PRR15L: variants seen among roughly 807,000 people sequenced by gnomAD.
The protein encoded by PRR15L is proline-rich protein 15-like protein.
Under a neutral mutation model 3.7 loss-of-function variants are expected in PRR15L, and 1 was observed. The observed-to-expected ratio is 0.27, with a 90% CI of 0.09 to 1.27. The LOEUF (loss-of-function observed/expected upper bound fraction) is 1.27. PRR15L is among the 50% of genes most tolerant of loss of function. The probability of loss-of-function intolerance (pLI) is 0.47; values close to 1 mark genes in which losing one functional copy is unlikely to be tolerated. For synonymous variants in PRR15L, 57 were observed against 51.9 expected (o/e 1.10, Z -0.42); for missense variants, 127 against 128.7 (o/e 0.99, Z 0.06).
In PRR15L at chr17:47,952,604, C is replaced by T. The variant is rs796141360; in HGVS notation, c.*319G>A. On this transcript the variant is annotated 3_prime_UTR_variant, in exon 2 of 2. Transcript: ENST00000300557. Reference sequence around the variant, plus strand: ...TGAAGTCTGTCTGGCTCACTCTCTCCATTCCCTGCCATGCCCACCTCCCTG... The same window carrying T: ...TGAAGTCTGTCTGGCTCACTCTCTCTATTCCCTGCCATGCCCACCTCCCTG... The T allele has an allele frequency of 5.4e-5, 15 of 277,868 alleles. 1 individual carries two copies. The highest frequency in any genetic ancestry group is 3.2e-4 in the African/African-American group (15 of 46,836). The allele number at this position is 277,868 out of a possible 1,614,324, so 17.2% of individuals were successfully genotyped here.
At chr17:47,956,873 C>T (rs1217198730) in intron 1 of PRR15L, among the ~76,000 whole-genome samples, 1 of 152,232 alleles carries the variant, frequency 6.6e-6, no homozygotes, top group Non-Finnish European at 1.5e-5. Context: ...CAAACAGACC[C>T]AGCATTTAGT....
Position 47,952,865 on chromosome 17 carries a change from T to G in PRR15L, c.*58A>C. 3 of 1,528,646 alleles carry G rather than the reference T, an allele frequency of 2.0e-6. No homozygotes were observed. In the South Asian group the frequency reaches 3.7e-5, roughly 19 times the overall value. The allele number at this position is 1,528,646 out of a possible 1,614,324, so 94.7% of individuals were successfully genotyped here. A position where few individuals can be genotyped will look rare whatever the true frequency, so the allele number is the denominator to read the frequency against. The stretch of plus-strand genomic sequence containing the variant: ...CAAAGAGGCCAGCGTGGCAAGGTCC[T>G]GTCTCAGATCTGGCTGATGGCAGGG... On this transcript the variant is annotated 3_prime_UTR_variant, in exon 2 of 2. Transcript: ENST00000300557.
chr17:47,953,873 A>G (rs1292907420), intron 1 of PRR15L, among the ~76,000 whole-genome samples: 2 of 152,118 alleles, frequency 1.3e-5, no homozygotes, highest in East Asian at 3.9e-4. Context: ...CAGGGTTGTC[A>G]GGAGCTTTGA....
chr17:47,953,275 G>T lies in PRR15L; in HGVS notation c.-29-12C>A, dbSNP rs1261338239. On this transcript the variant is annotated splice_polypyrimidine_tract_variant and intron_variant, in intron 1 of 1. Coordinates refer to ENST00000300557, the MANE Select transcript of PRR15L (RefSeq NM_024320.4). The stretch of plus-strand genomic sequence containing the variant: ...AAGGATGGGGCTTTCTGCTGGAGCA[G>T]GGTGGGGGAGACAAAGGGGTCAGTG... The T allele has an allele frequency of 5.4e-6, 8 of 1,491,902 alleles. No individual in the cohort carries two copies. Among genetic ancestry groups the T allele is most frequent in the South Asian group, 1.3e-5 (1 of 75,402 alleles). 92.4% of individuals were successfully genotyped at this position (1,491,902 alleles called of 1,614,324 possible).
At chr17:47,953,306 A>T in intron 1 of PRR15L, 43 bp from the exon 2 acceptor site, 1 of 1,228,658 alleles carries the variant, frequency 8.1e-7, no homozygotes. Flanking sequence ...CAGTGGGAAA[A>T]GGGGGTGGGT....
chr17:47,955,065 G>A (rs1415503148), intron 1 of PRR15L, among the ~76,000 whole-genome samples: 4 of 152,014 alleles, frequency 2.6e-5, no homozygotes, highest in African/African-American at 4.8e-5. Context: ...GAGGAGCTGG[G>A]ATTACAGGCA....
chr17:47,952,862 T>C lies in PRR15L; in HGVS notation c.*61A>G. The C allele has an allele frequency of 6.6e-7, 1 of 1,517,830 alleles. No homozygotes were observed. Among genetic ancestry groups the C allele is most frequent in the East Asian group, 2.3e-5 (1 of 44,068 alleles). The allele number at this position is 1,517,830 out of a possible 1,614,324, so 94.0% of individuals were successfully genotyped here. ...GGCCAAAGAGGCCAGCGTGGCAAGG[T>C]CCTGTCTCAGATCTGGCTGATGGCA... On this transcript the variant is annotated 3_prime_UTR_variant, in exon 2 of 2. Coordinates refer to ENST00000300557, the MANE Select transcript of PRR15L (RefSeq NM_024320.4).
intron 1 of PRR15L, among the ~76,000 whole-genome samples, chr17:47,953,464 G>T (rs531276214): frequency 6.6e-6 from 1 of 152,202 alleles, no homozygotes; most frequent in East Asian, 1.9e-4. Flanking sequence ...TTCAAGACAG[G>T]CCTGGCCAAC....
chr17:47,953,583 C>T (rs368597200), intron 1 of PRR15L, among the ~76,000 whole-genome samples: 13 of 150,122 alleles, frequency 8.7e-5, no homozygotes, highest in East Asian at 2.0e-4. Context: ...CACTTGAACC[C>T]GGGAGGCAGA....
At chr17:47,954,586 T>G (rs999100431) in intron 1 of PRR15L, among the ~76,000 whole-genome samples, 3 of 152,174 alleles carry the variant, frequency 2.0e-5, no homozygotes, top group African/African-American at 7.2e-5. Context: ...GGGGCTCACC[T>G]TTGACTAATT....
chr17:47,955,879 G>A (rs1567717761), intron 1 of PRR15L, among the ~76,000 whole-genome samples: 1 of 152,210 alleles, frequency 6.6e-6, no homozygotes. Context: ...CTTGGGGAAT[G>A]GAAAAACAGA....
rs1347116343 is a variant in PRR15L, at chr17:47,957,793, G to A, written c.-166C>T. 6.6e-6 allele frequency: 1 copy of A among 152,350 alleles called. No homozygotes were observed. Among genetic ancestry groups the A allele is most frequent in the Admixed American group, 6.5e-5 (1 of 15,292 alleles). The allele number at this position is 152,350 out of a possible 1,614,324, so 9.4% of individuals were successfully genotyped here. A position where few individuals can be genotyped will look rare whatever the true frequency, so the allele number is the denominator to read the frequency against. ...GCTGTATCAGGCAAGGCTCAGCCAGGAGAGGTGGGTAGGAGCAGCTGCACG... is the reference window on the plus strand; with the variant it reads ...GCTGTATCAGGCAAGGCTCAGCCAGAAGAGGTGGGTAGGAGCAGCTGCACG... On this transcript the variant is annotated 5_prime_UTR_variant, in exon 1 of 2. Coordinates refer to ENST00000300557, the MANE Select transcript of PRR15L (RefSeq NM_024320.4).
At chr17:47,957,214 T>C (rs1239031069) in intron 1 of PRR15L, among the ~76,000 whole-genome samples, 1 of 152,204 alleles carries the variant, frequency 6.6e-6, no homozygotes, top group African/African-American at 2.4e-5. Context: ...AGTTAACCAT[T>C]GACTGGGGCA....
chr17:47,955,620 C>T (rs1160009802), intron 1 of PRR15L, among the ~76,000 whole-genome samples: 2 of 152,188 alleles, frequency 1.3e-5, no homozygotes, highest in East Asian at 1.9e-4. Flanking sequence ...ATAAATACTT[C>T]CAGGGCACCC....
chr17:47,957,367 G>A (rs2036141761), intron 1 of PRR15L, among the ~76,000 whole-genome samples: 1 of 152,258 alleles, frequency 6.6e-6, no homozygotes. Flanking sequence ...GGGTACCCTG[G>A]ATAGGAATGG....
In PRR15L at chr17:47,952,676, CTT is replaced by C. The variant is rs2036079769; in HGVS notation, c.*245_*246del. ...GGAGGGCTGTTCCTCCTGGGTGAGA[CTT>C]TTCACTCTTGAACTAGAGTGCCTTT... On this transcript the variant is annotated 3_prime_UTR_variant, in exon 2 of 2. Coordinates refer to ENST00000300557, the MANE Select transcript of PRR15L (RefSeq NM_024320.4). 1 of 407,810 alleles carries C rather than the reference CTT, an allele frequency of 2.5e-6. No individual in the cohort carries two copies. Among genetic ancestry groups the C allele is most frequent in the Admixed American group, 3.9e-5 (1 of 25,966 alleles). 25.3% of individuals were successfully genotyped at this position (407,810 alleles called of 1,614,324 possible).
At chr17:47,955,195 C>G (rs540230613) in intron 1 of PRR15L, among the ~76,000 whole-genome samples, 2 of 152,248 alleles carry the variant, frequency 1.3e-5, no homozygotes, top group Admixed American at 1.3e-4. Flanking sequence ...TCCCAAAGTG[C>G]TGGGATTACA....
Position 47,952,769 on chromosome 17 carries a change from T to G in PRR15L, c.*154A>C, listed in dbSNP as rs2036081555. 4.0e-6 allele frequency: 3 copies of G among 744,508 alleles called. No individual in the cohort carries two copies. The South Asian group carries it at 6.2e-5, about 15-fold the overall frequency. 46.1% of individuals were successfully genotyped at this position (744,508 alleles called of 1,614,324 possible). On this transcript the variant is annotated 3_prime_UTR_variant, in exon 2 of 2. Transcript: ENST00000300557. Reference sequence around the variant, plus strand: ...CAGGCCTTACAAAAGTGGCGGCACATAAATACAAACCTAAAAAACAGCCAT... The same window carrying G: ...CAGGCCTTACAAAAGTGGCGGCACAGAAATACAAACCTAAAAAACAGCCAT...
intron 1 of PRR15L, 98 bp downstream of exon 1, chr17:47,957,559 C>G (rs2036143577): frequency 6.6e-6 from 1 of 152,292 alleles, no homozygotes; most frequent in Admixed American, 6.5e-5. Context: ...GCCTGGGTTC[C>G]TCTTTCCTGC....
Sources: allele counts gnomAD v4.1 joint callset (sites outside exome capture counted in the v4.1 genomes callset), GRCh38; gene constraint gnomAD v4.1.1; transcripts MANE v1.5; gene names NCBI Gene and HGNC (gene_info 2026-07-23, HGNC 2026-07-21).